Variants in NSMCE2 observed in about 807,000 individuals in gnomAD.
The protein encoded by NSMCE2 is E3 SUMO-protein ligase NSE2.
NSMCE2 carries 24 observed loss-of-function variants against 23.8 expected under a neutral mutation model. That is an observed-to-expected ratio of 1.01 (90% confidence interval 0.73 to 1.42). NSMCE2 has a LOEUF of 1.42. NSMCE2 is among the 40% of genes most tolerant of loss of function. The pLI is 0.00. For synonymous variants in NSMCE2, 92 were observed against 94.1 expected (o/e 0.98, Z 0.13); for missense variants, 284 against 296.5 (o/e 0.96, Z 0.31).
chr8:125,144,234 A>G (rs551289160), intron 3 of NSMCE2, among the ~76,000 whole-genome samples: 46 of 152,246 alleles, frequency 3.0e-4, no homozygotes, highest in African/African-American at 1.0e-3. Flanking sequence ...GGCTACAGCT[A>G]TAGGGCAGCT....
chr8:125,242,152 G>C (rs1364980780), intron 5 of NSMCE2, among the ~76,000 whole-genome samples: 2 of 152,162 alleles, frequency 1.3e-5, no homozygotes, highest in African/African-American at 4.8e-5. Context: ...TTGAAGCCAG[G>C]AAGTAGATAT....
intron 5 of NSMCE2, among the ~76,000 whole-genome samples, chr8:125,354,446 T>C (rs983271022): frequency 6.6e-6 from 1 of 152,234 alleles, no homozygotes; most frequent in African/African-American, 2.4e-5. Flanking sequence ...TTAATGAAGT[T>C]AACTTCACAT....
chr8:125,234,809 C>T (rs902997686), intron 5 of NSMCE2, among the ~76,000 whole-genome samples: 7 of 152,090 alleles, frequency 4.6e-5, no homozygotes, highest in Non-Finnish European at 7.4e-5. Context: ...TGGCCCTCTT[C>T]AGATACCATT....
intron 5 of NSMCE2, among the ~76,000 whole-genome samples, chr8:125,197,148 G>C (rs1823661165): frequency 6.6e-6 from 1 of 152,152 alleles, no homozygotes. Flanking sequence ...TCTGTAGGTT[G>C]CCTGTTCACT....
At chr8:125,295,017 A>G (rs1482402579) in intron 5 of NSMCE2, among the ~76,000 whole-genome samples, 1 of 152,208 alleles carries the variant, frequency 6.6e-6, no homozygotes, top group African/African-American at 2.4e-5. Flanking sequence ...ATTGTGGGCC[A>G]ATAATCTGTC....
At chr8:125,309,251 A>C (rs1277382035) in intron 5 of NSMCE2, among the ~76,000 whole-genome samples, 4 of 147,266 alleles carry the variant, frequency 2.7e-5, no homozygotes, top group African/African-American at 5.2e-5. Flanking sequence ...TCTGTCTCAA[A>C]AAAAAAAAAA....
intron 3 of NSMCE2, among the ~76,000 whole-genome samples, chr8:125,140,284 C>A (rs1820293528): frequency 6.6e-6 from 1 of 152,220 alleles, no homozygotes; most frequent in East Asian, 1.9e-4. Flanking sequence ...GTTAATACAG[C>A]AAAATACCCC....
At chr8:125,094,567 A>C (rs1309672512) in intron 1 of NSMCE2, 3 of 152,250 alleles carry the variant, frequency 2.0e-5, no homozygotes, top group Admixed American at 6.5e-5. Context: ...AGTGACAGCT[A>C]CTGTTTGGTA....
At chr8:125,297,360 C>A (rs1482391331) in intron 5 of NSMCE2, among the ~76,000 whole-genome samples, 6 of 152,196 alleles carry the variant, frequency 3.9e-5, no homozygotes, top group Non-Finnish European at 7.3e-5. Flanking sequence ...TCTACAAAGT[C>A]TCTACCTACT....
intron 3 of NSMCE2, among the ~76,000 whole-genome samples, chr8:125,134,654 T>C (rs1302894180): frequency 2.0e-5 from 3 of 151,850 alleles, no homozygotes; most frequent in African/African-American, 7.3e-5. Flanking sequence ...ATACTCGGAA[T>C]AAAAATTCTT....
chr8:125,262,620 A>G (rs1341425905), intron 5 of NSMCE2, among the ~76,000 whole-genome samples: 2 of 152,190 alleles, frequency 1.3e-5, no homozygotes, highest in Non-Finnish European at 2.9e-5. Context: ...TGTGCCAGGC[A>G]CTTTGAAATT....
intron 5 of NSMCE2, among the ~76,000 whole-genome samples, chr8:125,194,797 C>T (rs766813160): frequency 6.6e-6 from 1 of 152,040 alleles, no homozygotes; most frequent in Non-Finnish European, 1.5e-5. Flanking sequence ...GATTATTTTT[C>T]GTTTTGTTTT....
intron 5 of NSMCE2, among the ~76,000 whole-genome samples, chr8:125,320,530 T>G (rs1228780374): frequency 6.6e-6 from 1 of 151,974 alleles, no homozygotes; most frequent in Non-Finnish European, 1.5e-5. Context: ...AAATATAAAG[T>G]TGACAGCAGA....
At chr8:125,229,559 C>T (rs1247759225) in intron 5 of NSMCE2, among the ~76,000 whole-genome samples, 2 of 151,948 alleles carry the variant, frequency 1.3e-5, no homozygotes, top group African/African-American at 2.4e-5. Flanking sequence ...AAAGAAGTAC[C>T]GACATTTGAA....
At chr8:125,239,799 C>A (rs1474720637) in intron 5 of NSMCE2, among the ~76,000 whole-genome samples, 1 of 152,120 alleles carries the variant, frequency 6.6e-6, no homozygotes, top group Non-Finnish European at 1.5e-5. Context: ...AACTTACATA[C>A]ATTTTACCAA....
intron 5 of NSMCE2, among the ~76,000 whole-genome samples, chr8:125,217,277 C>T (rs139262997): frequency 0.015 from 2,318 of 152,248 alleles, 40 homozygotes; most frequent in Admixed American, 0.047. Context: ...CTGTAATTTT[C>T]AGGGAGTCCT....
chr8:125,357,801 G>A lies in NSMCE2; in HGVS notation c.609G>A (p.Lys203=). The change falls in exon 7 of 8, where the codon AAG becomes AAA. Residue 203 remains lysine (K), a synonymous_variant. Coordinates refer to ENST00000287437, the MANE Select transcript of NSMCE2 (RefSeq NM_173685.4). ...TTCGCATGATTGAGTCCAGGCAAAA[G>A]CGGAAGAAAAAGGCCTAGTGAGTGG... The part of the protein sequence containing the change: ...AIVRMIESRQ[K]RKKKAYCPQI... The A allele has an allele frequency of 6.2e-7, 1 of 1,613,822 alleles. No individual in the cohort carries two copies. The highest frequency in any genetic ancestry group is 8.5e-7 in the Non-Finnish European group (1 of 1,179,662).
chr8:125,347,461 G>A (rs1216033422), intron 5 of NSMCE2, among the ~76,000 whole-genome samples: 1 of 152,066 alleles, frequency 6.6e-6, no homozygotes, highest in African/African-American at 2.4e-5. Flanking sequence ...GATCACACAG[G>A]ATATAAATAT....
At position 125,173,322 on chromosome 8, in the gene NSMCE2, T is replaced by A. The variant is rs140664534; in HGVS notation, c.265-8781T>A. 7.9e-5 allele frequency among the ~76,000 whole-genome samples: 12 copies of A among 152,298 alleles called. No homozygotes were observed. The East Asian group carries it at 2.1e-3, about 27-fold the overall frequency. ...ATTGCAAGTTGGTCATTAGGTGTGA[T>A]GAGGGGGAGGAGAAGATGTGTAACT... On this transcript the variant is annotated intron_variant, in intron 4 of 7. Coordinates refer to ENST00000287437, the MANE Select transcript of NSMCE2 (RefSeq NM_173685.4).
Sources: allele counts gnomAD v4.1 joint callset (sites outside exome capture counted in the v4.1 genomes callset), GRCh38; gene constraint gnomAD v4.1.1; transcripts MANE v1.5; gene names NCBI Gene and HGNC (gene_info 2026-07-23, HGNC 2026-07-21).